The following LRRC25 variants were observed in gnomAD, a reference collection of about 807,000 sequenced individuals.
The protein encoded by LRRC25 is leucine rich repeat containing 25.
Under a neutral mutation model 18.8 loss-of-function variants are expected in LRRC25, and 5 were observed. The ratio of observed to expected loss-of-function variants is 0.27; its 90% confidence interval spans 0.14 to 0.56. The LOEUF (loss-of-function observed/expected upper bound fraction) is 0.56. Ranked by LOEUF, LRRC25 falls within the 20% of genes least tolerant of loss-of-function variation. LRRC25 has a pLI of 0.93. For synonymous variants in LRRC25, 161 were observed against 176.8 expected (o/e 0.91, Z 0.71); for missense variants, 341 against 389.8 (o/e 0.87, Z 1.05).
At position 18,391,689 on chromosome 19, in the gene LRRC25, C is replaced by T. The variant is rs954106387; in HGVS notation, c.*298G>A. 2.6e-5 allele frequency: 7 copies of T among 270,888 alleles called. No homozygotes were observed. Among genetic ancestry groups the T allele is most frequent in the Admixed American group, 8.3e-5 (2 of 24,020 alleles). The allele number at this position is 270,888 out of a possible 1,614,324, so 16.8% of individuals were successfully genotyped here. ...CCTGAGCCAGCAGCCTCATCAGCCT[C>T]GAAGCATTTATTGAGCACTGCCTGT... is the stretch of plus-strand genomic sequence containing the variant. On this transcript the variant is annotated 3_prime_UTR_variant, in exon 2 of 2. Transcript: ENST00000339007.
intron 1 of LRRC25, 57 bp from the exon 2 acceptor site, chr19:18,392,182 G>A: frequency 1.3e-6 from 2 of 1,574,438 alleles, no homozygotes; most frequent in Admixed American, 3.4e-5. Flanking sequence ...CAGGGGACAG[G>A]CACATGAGCT....
chr19:18,395,418 G>T (rs989240151), intron 1 of LRRC25, among the ~76,000 whole-genome samples: 4 of 151,760 alleles, frequency 2.6e-5, no homozygotes, highest in Non-Finnish European at 5.9e-5. Context: ...ACTTTGTAGG[G>T]CACCTCTTTA....
In LRRC25 at chr19:18,396,309, G is replaced by A; in HGVS notation, c.655C>T (p.Pro219Ser). Reference protein sequence around the residue: ...DGPKPGLGLQPRYGSRSAPKP... With the variant: ...DGPKPGLGLQSRYGSRSAPKP... ...GGGGCGCTCCGGCTGCCGTACCGTG[G>A]CTGCAAGCCTAAACCGGGCTTGGGC... is the stretch of plus-strand genomic sequence containing the variant. The change falls in exon 1 of 2, where the codon CCA (proline) becomes TCA (serine). Residue 219 changes from proline to serine, a missense_variant. Pro to Ser is a moderately conservative substitution (Grantham distance 74). Coordinates refer to ENST00000339007, the MANE Select transcript of LRRC25 (RefSeq NM_145256.3). The A allele has an allele frequency of 6.2e-7, 1 of 1,613,872 alleles. No individual in the cohort carries two copies. The highest frequency in any genetic ancestry group is 8.5e-7 in the Non-Finnish European group (1 of 1,179,974).
At chr19:18,394,329 G>A (rs1435808955) in intron 1 of LRRC25, among the ~76,000 whole-genome samples, 9 of 142,796 alleles carry the variant, frequency 6.3e-5, no homozygotes, top group African/African-American at 2.1e-4. Flanking sequence ...TTTTTGAGAC[G>A]GAGTCTCGCT....
chr19:18,395,979 C>T (rs530682560), intron 1 of LRRC25, among the ~76,000 whole-genome samples: 1 of 152,282 alleles, frequency 6.6e-6, no homozygotes, highest in African/African-American at 2.4e-5. Flanking sequence ...CCTTGGCCTC[C>T]CAAAGTGCTA....
Position 18,396,375 on chromosome 19 carries a change from T to C in LRRC25, c.589A>G (p.Arg197Gly). ...AWRLWRCRVARSRELNKPWAA... is the reference protein window; with the variant it reads ...AWRLWRCRVAGSRELNKPWAA... ...CAGGGTTTGTTCAGCTCCCGGCTTC[T>C]GGCCACTCGGCATCGCCAGAGTCTC... The change falls in exon 1 of 2, where the codon AGA (arginine) becomes GGA (glycine). Residue 197 changes from arginine (R) to glycine (G), a missense_variant. Physicochemically the swap from Arg to Gly is moderately radical, Grantham distance 125. Transcript: ENST00000339007. 5.6e-6 allele frequency: 9 copies of C among 1,613,634 alleles called. No individual in the cohort carries two copies. Among genetic ancestry groups the C allele is most frequent in the Non-Finnish European group, 6.8e-6 (8 of 1,179,974 alleles).
chr19:18,391,574 C>A lies in LRRC25; in HGVS notation c.*413G>T, dbSNP rs1971899341. 1 of 159,762 alleles carries A rather than the reference C, an allele frequency of 6.3e-6. No individual in the cohort carries two copies. Among genetic ancestry groups the A allele is most frequent in the Non-Finnish European group, 1.4e-5 (1 of 71,978 alleles). The allele number at this position is 159,762 out of a possible 1,614,324, so 9.9% of individuals were successfully genotyped here. A position where few individuals can be genotyped will look rare whatever the true frequency, so the allele number is the denominator to read the frequency against. On this transcript the variant is annotated 3_prime_UTR_variant, in exon 2 of 2. Transcript: ENST00000339007. ...AACAAACAACAACAACAAAAAAAAA[C>A]AGGGATGGGAGGTGGGGAGCAATTT...
intron 1 of LRRC25, among the ~76,000 whole-genome samples, chr19:18,393,702 T>A (rs1307502688): frequency 6.6e-6 from 1 of 152,018 alleles, no homozygotes; most frequent in African/African-American, 2.4e-5. Flanking sequence ...CCCTAAGTGG[T>A]TGTAGGGGGA....
rs1971977659 is a variant in LRRC25 at position 18,396,821 on chromosome 19, A to G, written c.143T>C (p.Leu48Pro). The change falls in exon 1 of 2, where the codon CTC becomes CCC. Residue 48 changes from leucine (L) to proline (P), a missense_variant. By Grantham distance (98) the Leu-to-Pro change is moderately conservative. Coordinates refer to ENST00000339007, the MANE Select transcript of LRRC25 (RefSeq NM_145256.3). ...FSATCLNFSG[L>P]SLSLPHNQSL... ...CTGGTTGTGAGGCAGGCTCAGGCTG[A>G]GGCCACTGAAATTCAGGCACGTGGC... 1 of 1,614,034 alleles carries G rather than the reference A, an allele frequency of 6.2e-7. No individual in the cohort carries two copies. Among genetic ancestry groups the G allele is most frequent in the Non-Finnish European group, 8.5e-7 (1 of 1,180,040 alleles).
intron 1 of LRRC25, among the ~76,000 whole-genome samples, chr19:18,392,441 G>A (rs1568332490): frequency 6.6e-6 from 1 of 152,054 alleles, no homozygotes; most frequent in East Asian, 1.9e-4. Flanking sequence ...GTAGTGAGCC[G>A]AGATCGTGCC....
Position 18,391,925 on chromosome 19 carries a change from A to G in LRRC25, c.*62T>C. On this transcript the variant is annotated 3_prime_UTR_variant, in exon 2 of 2. Coordinates refer to ENST00000339007, the MANE Select transcript of LRRC25 (RefSeq NM_145256.3). ...AAACTGAGGCCATGGAGGCGTTAGG[A>G]CGCCCTGAGTCACCCAGCAGGGACT... The G allele has an allele frequency of 6.4e-7, 1 of 1,563,284 alleles. No homozygotes were observed. Among genetic ancestry groups the G allele is most frequent in the Non-Finnish European group, 8.7e-7 (1 of 1,146,676 alleles).
rs1258448001 is a variant in LRRC25, at chr19:18,392,053, G to A, written c.852C>T (p.Tyr284=). 6.8e-6 allele frequency: 11 copies of A among 1,614,190 alleles called. No individual in the cohort carries two copies. Among genetic ancestry groups the A allele is most frequent in the Non-Finnish European group, 9.3e-6 (11 of 1,180,032 alleles). ...CCTGGCCCAGTGACTGCAGGTTACAGTAGACAGGCTGGGAAGCCAGGTCGA... is the reference window on the plus strand; with the variant it reads ...CCTGGCCCAGTGACTGCAGGTTACAATAGACAGGCTGGGAAGCCAGGTCGA... The part of the protein sequence containing the change: ...KDIDLASQPV[Y]CNLQSLGQAP... The change falls in exon 2 of 2, where the codon TAC becomes TAT. Residue 284 remains tyrosine, a synonymous_variant. Transcript: ENST00000339007.
intron 1 of LRRC25, among the ~76,000 whole-genome samples, chr19:18,394,714 G>C (rs1383219429): frequency 6.6e-6 from 1 of 152,126 alleles, no homozygotes. Flanking sequence ...AAAGTGCTGG[G>C]ATTATAGGCA....
rs1600253137 is a variant in LRRC25, at chr19:18,391,524, T to G, written c.*463A>C. Reference sequence around the variant, plus strand: ...TTGCACTCCAGCCTGGGTGACAGAGTGACACTCAGTTTCAAAAACAAACAA... The same window carrying G: ...TTGCACTCCAGCCTGGGTGACAGAGGGACACTCAGTTTCAAAAACAAACAA... On this transcript the variant is annotated 3_prime_UTR_variant, in exon 2 of 2. Coordinates refer to ENST00000339007, the MANE Select transcript of LRRC25 (RefSeq NM_145256.3). 6.4e-6 allele frequency: 1 copy of G among 156,328 alleles called. No individual in the cohort carries two copies. Among genetic ancestry groups the G allele is most frequent in the Non-Finnish European group, 1.4e-5 (1 of 70,332 alleles). 9.7% of individuals were successfully genotyped at this position (156,328 alleles called of 1,614,324 possible).
chr19:18,392,232 C>T, intron 1 of LRRC25, 107 bp from the exon 2 acceptor site: 2 of 1,194,932 alleles, frequency 1.7e-6, no homozygotes, highest in South Asian at 1.3e-5. Flanking sequence ...CTGACTCACG[C>T]CTGTAATCCA....
In LRRC25 at chr19:18,397,150, G is replaced by A. The variant is rs1600258554; in HGVS notation, c.-187C>T. The A allele has an allele frequency of 1.6e-6, 1 of 636,164 alleles. No individual in the cohort carries two copies. Among genetic ancestry groups the A allele is most frequent in the Non-Finnish European group, 2.7e-6 (1 of 370,760 alleles). 39.4% of individuals were successfully genotyped at this position (636,164 alleles called of 1,614,324 possible). On this transcript the variant is annotated 5_prime_UTR_variant, in exon 1 of 2. Transcript: ENST00000339007. ...GGGCTGCCTCAGTCTCCCCTTCTGG[G>A]GAATGGGTAGATAACCCCAGTGCTT... is the stretch of plus-strand genomic sequence containing the variant.
chr19:18,392,162 G>T, intron 1 of LRRC25, 37 bp from the exon 2 acceptor site: 3 of 1,605,008 alleles, frequency 1.9e-6, no homozygotes, highest in Non-Finnish European at 2.6e-6. Context: ...AGTGTGGGAG[G>T]GGGAGGACTC....
chr19:18,396,272 A>G lies in LRRC25; in HGVS notation c.692T>C (p.Val231Ala), dbSNP rs750240085. ...AGTGGAGGGGCAGGATGGCACGGCC[A>G]CTTGGGGCTTGGGGGCGCTCCGGCT... is the stretch of plus-strand genomic sequence containing the variant. ...YGSRSAPKPQ[V>A]AVPSCPSTPD... is the part of the protein sequence containing the mutation. The change falls in exon 1 of 2, where the codon GTG becomes GCG. Residue 231 changes from valine (V) to alanine (A), a missense_variant. Physicochemically the swap from Val to Ala is moderately conservative, Grantham distance 64. Transcript: ENST00000339007. The G allele has an allele frequency of 9.3e-6, 15 of 1,613,494 alleles. No individual in the cohort carries two copies. The South Asian group carries it at 1.3e-4, about 14-fold the overall frequency.
Position 18,397,306 on chromosome 19 carries a change from GC to G in LRRC25, c.-344del, listed in dbSNP as rs1326926757. Reference sequence around the variant, plus strand: ...AAGCGGTTGCCTTGGAAACGGCCCCGCCCCCTGATCACGCTCCCGGTATCTC... The same window carrying G: ...AAGCGGTTGCCTTGGAAACGGCCCCGCCCCTGATCACGCTCCCGGTATCTC... On this transcript the variant is annotated 5_prime_UTR_variant, in exon 1 of 2. Transcript: ENST00000339007. 3.3e-6 allele frequency: 1 copy of G among 302,612 alleles called. No homozygotes were observed. The highest frequency in any genetic ancestry group is 6.3e-6 in the Non-Finnish European group (1 of 159,320). The allele number at this position is 302,612 out of a possible 1,614,324, so 18.7% of individuals were successfully genotyped here.
Sources: allele counts gnomAD v4.1 joint callset (sites outside exome capture counted in the v4.1 genomes callset), GRCh38; gene constraint gnomAD v4.1.1; transcripts MANE v1.5; gene names NCBI Gene and HGNC (gene_info 2026-07-23, HGNC 2026-07-21).